The following VTA1 variants were observed in gnomAD, a reference collection of about 807,000 sequenced individuals.
VTA1 encodes vesicle trafficking 1.
Under a neutral mutation model 36.9 loss-of-function variants are expected in VTA1, and 24 were observed. The ratio of observed to expected loss-of-function variants is 0.65; its 90% CI spans 0.47 to 0.91. The LOEUF (loss-of-function observed/expected upper bound fraction) is 0.91, where lower values mean the gene tolerates loss of function less well. Among genes scored for constraint, VTA1 ranks in the 40% least tolerant of loss-of-function variants. The pLI, the probability that VTA1 is intolerant of heterozygous loss-of-function variation, is 0.00. For missense variants in VTA1, 393 were observed against 377.2 expected (o/e 1.04, Z -0.35); for synonymous variants, 142 against 130.2 (o/e 1.09, Z -0.62).
intron 4 of VTA1, among the ~76,000 whole-genome samples, chr6:142,176,565 C>G (rs2114651785): frequency 6.7e-6 from 1 of 148,948 alleles, no homozygotes; most frequent in African/African-American, 2.5e-5. Flanking sequence ...TAGCCCAGGA[C>G]AATATTTCTC....
rs959373976 is a variant in VTA1, at chr6:142,223,056, G to A, written c.*4413G>A. Reference sequence around the variant, plus strand: ...TCACCTGTTACATTGTAAGTACAATGAGATGTTATGAGTTCCACATTATCA... The same window carrying A: ...TCACCTGTTACATTGTAAGTACAATAAGATGTTATGAGTTCCACATTATCA... On this transcript the variant is annotated 3_prime_UTR_variant, in exon 8 of 8. Transcript: ENST00000367630. The A allele has an allele frequency of 8.5e-5, 13 of 152,162 alleles. No individual in the cohort carries two copies. The highest frequency in any genetic ancestry group is 2.9e-4 in the African/African-American group (12 of 41,440). 9.4% of individuals were successfully genotyped at this position (152,162 alleles called of 1,614,324 possible).
At chr6:142,182,069 A>G (rs1775253253) in intron 4 of VTA1, among the ~76,000 whole-genome samples, 1 of 152,226 alleles carries the variant, frequency 6.6e-6, no homozygotes, top group Admixed American at 6.5e-5. Flanking sequence ...CTAAGAGTAT[A>G]AATGTATTTG....
chr6:142,215,454 T>C (rs1383249554), intron 7 of VTA1, among the ~76,000 whole-genome samples: 2 of 140,016 alleles, frequency 1.4e-5, no homozygotes, highest in East Asian at 2.1e-4. Context: ...AAAAAAAAAG[T>C]TTTTTGAGCA....
chr6:142,165,425 C>T (rs1771702570), intron 1 of VTA1, among the ~76,000 whole-genome samples: 1 of 152,158 alleles, frequency 6.6e-6, no homozygotes, highest in African/African-American at 2.4e-5. Context: ...AGGAGTTTTA[C>T]TATCAATCTT....
At chr6:142,177,963 A>G (rs1775157125) in intron 4 of VTA1, among the ~76,000 whole-genome samples, 1 of 152,168 alleles carries the variant, frequency 6.6e-6, no homozygotes, top group Admixed American at 6.5e-5. Context: ...TTGGGAGTCT[A>G]ACATGTACAT....
chr6:142,151,744 A>C lies in VTA1; in HGVS notation c.112+4345A>C, dbSNP rs541519552. The stretch of plus-strand genomic sequence containing the variant: ...TTTGTTCTTCTGGAAGTACATTTAA[A>C]ACAGCTTGGCCGAGCACGGTGGCTC... On this transcript the variant is annotated intron_variant, in intron 1 of 7. Coordinates refer to ENST00000367630, the MANE Select transcript of VTA1 (RefSeq NM_016485.5). Among the ~76,000 whole-genome samples, 5 of 152,312 alleles carry C rather than the reference A, an allele frequency of 3.3e-5. No homozygotes were observed. The South Asian group carries it at 1.0e-3, about 32-fold the overall frequency.
At chr6:142,213,954 A>T (rs1016485008) in intron 7 of VTA1, among the ~76,000 whole-genome samples, 1 of 151,862 alleles carries the variant, frequency 6.6e-6, no homozygotes, top group Admixed American at 6.5e-5. Context: ...CTCTTTACTT[A>T]TGCACATTTG....
At chr6:142,189,759 C>CT (rs1331061039) in intron 5 of VTA1, among the ~76,000 whole-genome samples, 210 of 143,762 alleles carry the variant, frequency 1.5e-3, no homozygotes, top group Admixed American at 1.3e-3. Flanking sequence ...CTGTCTCCTG[C>CT]TTTTTTTTTT....
Position 142,169,683 on chromosome 6 carries a change from T to C in VTA1, c.335+6T>C. The C allele has an allele frequency of 6.5e-7, 1 of 1,545,474 alleles. No homozygotes were observed. Among genetic ancestry groups the C allele is most frequent in the Non-Finnish European group, 8.6e-7 (1 of 1,156,214 alleles). ...CGTGCTGGACGATTTCACAAGTAAG[T>C]AAAGAGAAAAATAAAAATTATTTTA... On this transcript the variant is annotated splice_donor_region_variant and intron_variant, in intron 3 of 7. Coordinates refer to ENST00000367630, the MANE Select transcript of VTA1 (RefSeq NM_016485.5).
At position 142,222,704 on chromosome 6, in the gene VTA1, G is replaced by A. The variant is rs1463124041; in HGVS notation, c.*4061G>A. ...CCTTCCCTGGTTGGTTGTAATCTTT[G>A]AAGTCTATGTGGAATTCTAAGACTG... On this transcript the variant is annotated 3_prime_UTR_variant, in exon 8 of 8. Transcript: ENST00000367630. 1 of 53,352 alleles carries A rather than the reference G, an allele frequency of 1.9e-5. No individual in the cohort carries two copies. The highest frequency in any genetic ancestry group is 5.2e-5 in the African/African-American group (1 of 19,182). 3.3% of individuals were successfully genotyped at this position (53,352 alleles called of 1,614,324 possible).
chr6:142,217,458 T>G (rs1338622540), intron 7 of VTA1, among the ~76,000 whole-genome samples: 1 of 151,958 alleles, frequency 6.6e-6, no homozygotes, highest in East Asian at 1.9e-4. Flanking sequence ...ATAATTTGGA[T>G]CAGAATATTG....
chr6:142,206,798 A>G lies in VTA1; in HGVS notation c.778+2733A>G, dbSNP rs1002850555. Reference sequence around the variant, plus strand: ...AAAATAGACCCATACAGAAAAAGTCATATGATCTTTGACAAAAGGAGCAAA... The same window carrying G: ...AAAATAGACCCATACAGAAAAAGTCGTATGATCTTTGACAAAAGGAGCAAA... On this transcript the variant is annotated intron_variant, in intron 7 of 7. Transcript: ENST00000367630. 9.2e-5 allele frequency among the ~76,000 whole-genome samples: 14 copies of G among 152,316 alleles called. No individual in the cohort carries two copies. In the East Asian group the frequency reaches 1.4e-3, roughly 15 times the overall value.
chr6:142,218,715 T>G lies in VTA1; in HGVS notation c.*72T>G. On this transcript the variant is annotated 3_prime_UTR_variant, in exon 8 of 8. Transcript: ENST00000367630. ...AGTCCATTACTCTATCTTCAGCCTATCAGGATCACAGTTTTAAGGAAGACT... is the reference window on the plus strand; with the variant it reads ...AGTCCATTACTCTATCTTCAGCCTAGCAGGATCACAGTTTTAAGGAAGACT... 6.7e-7 allele frequency: 1 copy of G among 1,487,042 alleles called. No individual in the cohort carries two copies. Among genetic ancestry groups the G allele is most frequent in the East Asian group, 2.4e-5 (1 of 41,010 alleles). The allele number at this position is 1,487,042 out of a possible 1,614,324, so 92.1% of individuals were successfully genotyped here.
chr6:142,210,781 A>C (rs1179072787), intron 7 of VTA1, among the ~76,000 whole-genome samples: 1 of 152,222 alleles, frequency 6.6e-6, no homozygotes, highest in African/African-American at 2.4e-5. Context: ...TAAAAATAGA[A>C]GTACCATATG....
intron 2 of VTA1, among the ~76,000 whole-genome samples, chr6:142,167,024 A>C (rs1297090686): frequency 6.6e-6 from 1 of 152,196 alleles, no homozygotes; most frequent in Non-Finnish European, 1.5e-5. Flanking sequence ...CTGTGTATTT[A>C]GTGAAAGGAA....
At chr6:142,160,586 C>T (rs225642) in intron 1 of VTA1, among the ~76,000 whole-genome samples, 53,869 of 151,636 alleles carry the variant, frequency 0.36, 10,773 homozygotes, top group Middle Eastern at 0.52. Flanking sequence ...CTGCTTGGGA[C>T]TCCTCTTCCT....
chr6:142,203,358 TCATTTCA>T (rs1775727323), intron 6 of VTA1, among the ~76,000 whole-genome samples: 1 of 152,082 alleles, frequency 6.6e-6, no homozygotes, highest in Non-Finnish European at 1.5e-5. Context: ...GCTGATTGAA[TCATTTCA>T]GTCCTTTTTT....
At chr6:142,168,088 A>G (rs1774955637) in intron 2 of VTA1, among the ~76,000 whole-genome samples, 1 of 152,186 alleles carries the variant, frequency 6.6e-6, no homozygotes, top group African/African-American at 2.4e-5. Context: ...GTAAGGGCAC[A>G]CTGTGGTGTT....
chr6:142,211,054 A>T (rs1487117898), intron 7 of VTA1, among the ~76,000 whole-genome samples: 2 of 152,216 alleles, frequency 1.3e-5, no homozygotes, highest in Non-Finnish European at 2.9e-5. Flanking sequence ...TTTGAAATAA[A>T]ATAAGCCAAG....
Sources: gnomAD v4.1 joint callset for allele counts (sites outside exome capture counted in the v4.1 genomes callset) on GRCh38, gnomAD v4.1.1 for gene constraint, MANE v1.5 for transcripts, NCBI Gene and HGNC (gene_info 2026-07-23, HGNC 2026-07-21) for gene names.